The following NR2F1-AS1 variants were observed in gnomAD, a reference collection of about 807,000 sequenced individuals.
NR2F1-AS1 encodes the protein NR2F1 regulatory antisense RNA 1.
At chr5:93,464,848 C>T (rs556110187) in intron 4 of NR2F1-AS1, among the ~76,000 whole-genome samples, 1 of 152,290 alleles carries the variant, frequency 6.6e-6, no homozygotes, top group South Asian at 2.1e-4. Context: ...TTTGAAAGAA[C>T]AAATCAATGA....
At chr5:93,567,127 A>G (rs1411195255) in intron 1 of NR2F1-AS1, among the ~76,000 whole-genome samples, 1 of 152,144 alleles carries the variant, frequency 6.6e-6, no homozygotes, top group Non-Finnish European at 1.5e-5. Context: ...AGTCCTATAA[A>G]TATTTACAGG....
At chr5:93,487,225 T>C (rs901632778) in intron 4 of NR2F1-AS1, among the ~76,000 whole-genome samples, 9 of 152,080 alleles carry the variant, frequency 5.9e-5, no homozygotes, top group Non-Finnish European at 8.8e-5. Flanking sequence ...CTATTCAACA[T>C]AGTATTGGAA....
At chr5:93,477,091 T>G (rs1750500697) in intron 4 of NR2F1-AS1, among the ~76,000 whole-genome samples, 2 of 152,214 alleles carry the variant, frequency 1.3e-5, no homozygotes, top group Admixed American at 1.3e-4. Context: ...ATACTTTGCA[T>G]TGTATATATA....
chr5:93,500,421 T>A (rs1050574676), intron 4 of NR2F1-AS1, among the ~76,000 whole-genome samples: 1 of 152,110 alleles, frequency 6.6e-6, no homozygotes, highest in African/African-American at 2.4e-5. Context: ...GTTTACTGCA[T>A]GTTTTACTGA....
chr5:93,550,000 G>T (rs568216170), intron 4 of NR2F1-AS1, among the ~76,000 whole-genome samples: 4 of 151,872 alleles, frequency 2.6e-5, no homozygotes, highest in Non-Finnish European at 4.4e-5. Flanking sequence ...AGCATTAGGA[G>T]AAATACCTAA....
intron 4 of NR2F1-AS1, among the ~76,000 whole-genome samples, chr5:93,425,485 T>C (rs1749177354): frequency 6.6e-6 from 1 of 152,188 alleles, no homozygotes. Flanking sequence ...CACCTCTTAA[T>C]GGATGGATCT....
At chr5:93,459,368 C>T (rs1446183605) in intron 4 of NR2F1-AS1, among the ~76,000 whole-genome samples, 1 of 152,056 alleles carries the variant, frequency 6.6e-6, no homozygotes, top group South Asian at 2.1e-4. Context: ...ATTAAAACTA[C>T]AATGAGATAT....
At chr5:93,420,143 G>C (rs567196723) in intron 4 of NR2F1-AS1, among the ~76,000 whole-genome samples, 3 of 151,956 alleles carry the variant, frequency 2.0e-5, no homozygotes, top group East Asian at 1.9e-4. Flanking sequence ...GTAGTGAGCC[G>C]AGATTGCACC....
At chr5:93,536,094 GT>G (rs1386304374) in intron 4 of NR2F1-AS1, among the ~76,000 whole-genome samples, 1 of 152,056 alleles carries the variant, frequency 6.6e-6, no homozygotes, top group Non-Finnish European at 1.5e-5. Flanking sequence ...ATTCAGTAAA[GT>G]TGCAGGATAC....
chr5:93,425,296 C>T lies in NR2F1-AS1; in HGVS notation n.639-29754G>A, dbSNP rs1468337815. Among the ~76,000 whole-genome samples, 3 of 152,136 alleles carry T rather than the reference C, an allele frequency of 2.0e-5. No homozygotes were observed. The East Asian group carries it at 5.8e-4, about 29-fold the overall frequency. On this transcript the variant is annotated intron_variant and non_coding_transcript_variant, in intron 4 of 5. Transcript: ENST00000660523. ...GTTCGATGACTGCTGGCAAGAGCCT[C>T]GGTTCTTTTCTGGGTGACCACTCAT...
chr5:93,534,148 C>G (rs1265675482), intron 4 of NR2F1-AS1, among the ~76,000 whole-genome samples: 1 of 152,130 alleles, frequency 6.6e-6, no homozygotes. Flanking sequence ...CATGTTATTA[C>G]TTAGAATTAT....
At chr5:93,549,283 A>G (rs1168668839) in intron 4 of NR2F1-AS1, among the ~76,000 whole-genome samples, 1 of 152,188 alleles carries the variant, frequency 6.6e-6, no homozygotes, top group Non-Finnish European at 1.5e-5. Flanking sequence ...AATTCAGAAT[A>G]TTACTCAGAA....
At chr5:93,443,358 C>A (rs1199998549) in intron 4 of NR2F1-AS1, among the ~76,000 whole-genome samples, 1 of 152,092 alleles carries the variant, frequency 6.6e-6, no homozygotes, top group Non-Finnish European at 1.5e-5. Context: ...CCCTAAATGA[C>A]CTGATGGAGC....
intron 4 of NR2F1-AS1, among the ~76,000 whole-genome samples, chr5:93,522,919 G>A (rs1036397146): frequency 2.6e-5 from 4 of 151,824 alleles, no homozygotes; most frequent in African/African-American, 9.7e-5. Flanking sequence ...CTGGGCAGCC[G>A]TTTGGGCAGA....
At chr5:93,553,158 C>T (rs1160585866) in intron 4 of NR2F1-AS1, among the ~76,000 whole-genome samples, 1 of 137,184 alleles carries the variant, frequency 7.3e-6, no homozygotes, top group Non-Finnish European at 1.5e-5. Flanking sequence ...GAGACACAGT[C>T]TTGCTCTGTC....
At chr5:93,569,747 G>A (rs1222704658) in intron 1 of NR2F1-AS1, 1 of 152,238 alleles carries the variant, frequency 6.6e-6, no homozygotes, top group East Asian at 1.9e-4. Flanking sequence ...GCAGACCCCA[G>A]TCGGGCTCCA....
chr5:93,549,048 A>T (rs1014034676), intron 4 of NR2F1-AS1, among the ~76,000 whole-genome samples: 1 of 152,194 alleles, frequency 6.6e-6, no homozygotes, highest in Non-Finnish European at 1.5e-5. Flanking sequence ...TTCATTGCCT[A>T]ATCATGAATA....
At chr5:93,504,332 T>A (rs1216675909) in intron 4 of NR2F1-AS1, among the ~76,000 whole-genome samples, 1 of 152,096 alleles carries the variant, frequency 6.6e-6, no homozygotes, top group Non-Finnish European at 1.5e-5. Flanking sequence ...ATAGAAAACA[T>A]GAACATATTC....
At chr5:93,542,835 C>T (rs753833565) in intron 4 of NR2F1-AS1, 1 of 152,174 alleles carries the variant, frequency 6.6e-6, no homozygotes, top group Non-Finnish European at 1.5e-5. Context: ...GGCACATAGA[C>T]CAGAAAACTC....
Sources: gnomAD v4.1 joint callset for allele counts (sites outside exome capture counted in the v4.1 genomes callset) on GRCh38, gnomAD v4.1.1 for gene constraint, MANE v1.5 for transcripts, NCBI Gene and HGNC (gene_info 2026-07-23, HGNC 2026-07-21) for gene names.